VPS13A: variants seen among roughly 807,000 people sequenced by gnomAD.
VPS13A encodes the protein intermembrane lipid transfer protein VPS13A.
Under a neutral mutation model 390.9 loss-of-function variants are expected in VPS13A, and 264 were observed. The observed-to-expected ratio is 0.68, with a 90% CI of 0.61 to 0.75. The LOEUF (loss-of-function observed/expected upper bound fraction) is 0.75. Ranked by LOEUF, VPS13A falls within the 30% of genes least tolerant of loss-of-function variation. The pLI is 0.00. For synonymous variants in VPS13A, 1,231 were observed against 1,227.1 expected (o/e 1.00, Z -0.07); for missense variants, 3,409 against 3,733.9 (o/e 0.91, Z 2.27).
chr9:77,266,004 C>CTCATTGGTT (rs1826017689), intron 23 of VPS13A, among the ~76,000 whole-genome samples: 1 of 152,152 alleles, frequency 6.6e-6, no homozygotes, highest in Non-Finnish European at 1.5e-5. Flanking sequence ...TGTCTTTGTT[C>CTCATTGGTT]TCATTGGTTT....
Position 77,212,971 on chromosome 9 carries a change from A to C in VPS13A, c.558A>C (p.Thr186=), listed in dbSNP as rs1251512982. The C allele has an allele frequency of 1.2e-6, 2 of 1,613,952 alleles. No individual in the cohort carries two copies. Among genetic ancestry groups the C allele is most frequent in the Admixed American group, 3.3e-5 (2 of 60,016 alleles). The change falls in exon 8 of 72, where the codon ACA becomes ACC. Residue 186 remains threonine (T), a splice_region_variant and synonymous_variant. Transcript: ENST00000360280. The part of the protein sequence containing the change: ...GISLQNLSMQ[T]TDQYWVPCLH... The stretch of plus-strand genomic sequence containing the variant: ...CCATTGTTTTTTTTCCTTTTCAGAC[A>C]ACTGATCAATACTGGGTTCCATGTT...
In VPS13A at chr9:77,327,510, G is replaced by C. The variant is rs185992014; in HGVS notation, c.5991+4283G>C. ...AATTCTTAGTTCTCATGTTTTATAT[G>C]CTGCTATGAAGTTTTTAAAGTAGAT... On this transcript the variant is annotated intron_variant, in intron 45 of 71. Coordinates refer to ENST00000360280, the MANE Select transcript of VPS13A (RefSeq NM_033305.3). Among the ~76,000 whole-genome samples, 85 of 152,076 alleles carry C rather than the reference G, an allele frequency of 5.6e-4. 1 individual carries two copies. The East Asian group carries it at 7.2e-3, about 13-fold the overall frequency.
chr9:77,315,173 G>A (rs887694571), intron 37 of VPS13A, 80 bp from the exon 38 acceptor site: 2 of 1,236,248 alleles, frequency 1.6e-6, no homozygotes, highest in African/African-American at 3.0e-5. Context: ...AAAGAGATAA[G>A]AGGTCTTTGA....
chr9:77,315,532 C>T, intron 38 of VPS13A, 62 bp downstream of exon 38: 4 of 1,457,756 alleles, frequency 2.7e-6, no homozygotes, highest in Non-Finnish European at 3.8e-6. Flanking sequence ...AGGACTTAAC[C>T]TTGATTAGCC....
chr9:77,359,815 C>CAAA (rs1270153072), intron 58 of VPS13A, among the ~76,000 whole-genome samples: 5 of 59,664 alleles, frequency 8.4e-5, no homozygotes, highest in African/African-American at 1.9e-4. Context: ...AAGACTGTCT[C>CAAA]AAAAAAAAAA....
chr9:77,400,223 A>ATTTTTTTTTTTTTTTTTT (rs34605855), intron 68 of VPS13A, among the ~76,000 whole-genome samples: 14 of 88,116 alleles, frequency 1.6e-4, no homozygotes, highest in African/African-American at 6.6e-4. Flanking sequence ...TATCAGTCAG[A>ATTTTTTTTTTTTTTTTTT]TTTTTTTTTT....
At chr9:77,220,182 G>GCA (rs201207730) in intron 11 of VPS13A, 95 bp from the exon 12 acceptor site, 1 of 1,510,392 alleles carries the variant, frequency 6.6e-7, no homozygotes, top group Non-Finnish European at 9.1e-7. Context: ...TTATATGGTA[G>GCA]CATTTCCCTA....
intron 35 of VPS13A, among the ~76,000 whole-genome samples, chr9:77,310,431 A>T (rs1355469287): frequency 6.6e-6 from 1 of 152,218 alleles, no homozygotes; most frequent in Non-Finnish European, 1.5e-5. Flanking sequence ...TATAACTGAT[A>T]CAGACAGGAA....
intron 31 of VPS13A, among the ~76,000 whole-genome samples, chr9:77,292,363 C>G (rs931456711): frequency 6.6e-6 from 1 of 152,162 alleles, no homozygotes; most frequent in Non-Finnish European, 1.5e-5. Flanking sequence ...TTCTCTCTCT[C>G]CCTGAAGGTA....
chr9:77,337,157 A>G, intron 46 of VPS13A, 98 bp from the exon 47 acceptor site: 1 of 1,177,274 alleles, frequency 8.5e-7, no homozygotes, highest in Admixed American at 2.4e-5. Flanking sequence ...CTACAATATT[A>G]TGAAAGGAGG....
At chr9:77,185,384 C>A (rs1196294109) in intron 1 of VPS13A, among the ~76,000 whole-genome samples, 1 of 152,150 alleles carries the variant, frequency 6.6e-6, no homozygotes, top group Non-Finnish European at 1.5e-5. Context: ...TTGTGATCCA[C>A]CTGCCTTGGC....
chr9:77,194,361 T>TGGG (rs142571721), intron 1 of VPS13A, among the ~76,000 whole-genome samples: 45 of 149,508 alleles, frequency 3.0e-4, no homozygotes, highest in Middle Eastern at 3.4e-3. Context: ...GGATGGGGGT[T>TGGG]GGGGGGGGCG....
intron 68 of VPS13A, chr9:77,396,018 T>C (rs1834105857): frequency 6.6e-6 from 1 of 152,182 alleles, no homozygotes; most frequent in African/African-American, 2.4e-5. Context: ...ATATGTAGTA[T>C]GATGGACCCG....
At chr9:77,414,767 T>TAATAAA (rs1320723309) in intron 71 of VPS13A, among the ~76,000 whole-genome samples, 5 of 143,888 alleles carry the variant, frequency 3.5e-5, no homozygotes, top group African/African-American at 1.3e-4. Context: ...ATAATAATAA[T>TAATAAA]AAAAACTTAG....
Position 77,394,590 on chromosome 9 carries a change from G to A in VPS13A, c.9190-8646G>A, listed in dbSNP as rs117434717. On this transcript the variant is annotated intron_variant, in intron 68 of 71. Transcript: ENST00000360280. ...GCACTAGCCCCTAACAAGAGAATCC[G>A]ACTGTCTTTTGAAGCTTTAAAGCCA... Among the ~76,000 whole-genome samples, 77 of 152,286 alleles carry A rather than the reference G, an allele frequency of 5.1e-4. No individual in the cohort carries two copies. In the East Asian group the frequency reaches 0.011, roughly 22 times the overall value.
In VPS13A at chr9:77,366,763, G is replaced by A; in HGVS notation, c.8362G>A (p.Glu2788Lys). 1.2e-6 allele frequency: 2 copies of A among 1,613,094 alleles called. No individual in the cohort carries two copies. Among genetic ancestry groups the A allele is most frequent in the Non-Finnish European group, 1.7e-6 (2 of 1,179,396 alleles). Residue 2788 changes from glutamate to lysine, a missense_variant, in exon 61 of 72, where the codon GAA becomes AAA. By Grantham distance (56) the Glu-to-Lys change is moderately conservative (BLOSUM62 1). Coordinates refer to ENST00000360280, the MANE Select transcript of VPS13A (RefSeq NM_033305.3). ...LSVSLSSGRE[E>K]AKDSKQNGGL... Reference sequence around the variant, plus strand: ...TGTTTCACTGAGTTCCGGCAGAGAAGAAGCTAAAGATTCAAAACAAAATGG... The same window carrying A: ...TGTTTCACTGAGTTCCGGCAGAGAAAAAGCTAAAGATTCAAAACAAAATGG...
At chr9:77,279,351 G>T (rs891247439) in intron 26 of VPS13A, among the ~76,000 whole-genome samples, 1 of 152,022 alleles carries the variant, frequency 6.6e-6, no homozygotes, top group Non-Finnish European at 1.5e-5. Context: ...CTACCCCAGC[G>T]TCCGGACGTC....
At chr9:77,206,254 A>G (rs556307196) in intron 5 of VPS13A, among the ~76,000 whole-genome samples, 175 bp downstream of exon 5, 2 of 151,418 alleles carry the variant, frequency 1.3e-5, no homozygotes, top group African/African-American at 4.8e-5. Context: ...GTGTACAGGA[A>G]TTTTACCTTA....
In VPS13A at chr9:77,221,099, A is replaced by G. The variant is rs1424164981; in HGVS notation, c.990-86A>G. On this transcript the variant is annotated intron_variant, in intron 12 of 71. Transcript: ENST00000360280. ...TTTTCCTAATCTTTGTATTATAGTT[A>G]TGTATGTTGTTAGAGTAGAAGCAAT... 10 of 1,237,310 alleles carry G rather than the reference A, an allele frequency of 8.1e-6. No homozygotes were observed. The Admixed American group carries it at 1.4e-4, about 17-fold the overall frequency. The allele number at this position is 1,237,310 out of a possible 1,614,324, so 76.6% of individuals were successfully genotyped here. A position where few individuals can be genotyped will look rare whatever the true frequency, so the allele number is the denominator to read the frequency against.
Sources: gnomAD v4.1 joint callset for allele counts (sites outside exome capture counted in the v4.1 genomes callset) on GRCh38, gnomAD v4.1.1 for gene constraint, MANE v1.5 for transcripts, NCBI Gene and HGNC (gene_info 2026-07-23, HGNC 2026-07-21) for gene names.